The following CTDSP1 variants were observed in gnomAD, a reference collection of about 807,000 sequenced individuals.
CTDSP1 encodes CTD small phosphatase 1.
CTDSP1 carries 15 observed loss-of-function variants against 32.5 expected under a neutral mutation model. The observed-to-expected ratio is 0.46, with a 90% CI of 0.31 to 0.71. The LOEUF is 0.71. Among genes scored for constraint, CTDSP1 ranks in the 30% least tolerant of loss-of-function variants. The pLI is 0.05. For missense variants in CTDSP1, 294 were observed against 351.1 expected (o/e 0.84, Z 1.30); for synonymous variants, 185 against 145.4 (o/e 1.27, Z -1.96).
intron 2 of CTDSP1, among the ~76,000 whole-genome samples, 173 bp downstream of exon 2, chr2:218,401,885 C>G (rs764732826): frequency 1.3e-5 from 2 of 152,208 alleles, no homozygotes; most frequent in Non-Finnish European, 2.9e-5. Flanking sequence ...AAACTGAATT[C>G]TCCCTCATAA....
intron 2 of CTDSP1, 40 bp from the exon 3 acceptor site, chr2:218,402,071 C>G: frequency 7.1e-7 from 1 of 1,410,776 alleles, no homozygotes; most frequent in African/African-American, 1.4e-5. Flanking sequence ...AGGACCAGGC[C>G]CGGAGAGAGG....
intron 6 of CTDSP1, 101 bp downstream of exon 6, chr2:218,403,518 G>A: frequency 9.0e-7 from 1 of 1,114,668 alleles, no homozygotes; most frequent in Non-Finnish European, 1.3e-6. Flanking sequence ...GTTGGGGGGT[G>A]GGTGCCCTCC....
rs1319842859 is a variant in CTDSP1, at chr2:218,400,149, G to A, written c.59G>A (p.Arg20Gln). Residue 20 changes from arginine (R) to glutamine (Q), a missense_variant, in exon 1 of 7, where the codon CGG (arginine) becomes CAG (glutamine). This residue lies in a region of CTDSP1 where 148 missense variants were observed against 113.3 expected (regional missense o/e 1.31). Transcript: ENST00000273062. ...ISKEEARGPL[R>Q]GKGDQKSAAS... The stretch of plus-strand genomic sequence containing the variant: ...AAGGAGGAGGCTCGGGGCCCGCTGC[G>A]GGGCAAAGGTACCGGGGCTGCGGGG... 1.9e-6 allele frequency: 3 copies of A among 1,545,428 alleles called. No individual in the cohort carries two copies. Among genetic ancestry groups the A allele is most frequent in the Non-Finnish European group, 2.6e-6 (3 of 1,145,262 alleles).
chr2:218,402,413 C>T lies in CTDSP1; in HGVS notation c.378+8C>T, dbSNP rs561130226. 3.7e-6 allele frequency: 6 copies of T among 1,604,792 alleles called. No individual in the cohort carries two copies. In the South Asian group the frequency reaches 6.7e-5, roughly 18 times the overall value. ...GATGGGGTGGTCCACCAGGTGAGGG[C>T]CAGGAAGAGGCAGTGGTGGGCTTGG... On this transcript the variant is annotated splice_region_variant and intron_variant, in intron 4 of 6. Coordinates refer to ENST00000273062, the MANE Select transcript of CTDSP1 (RefSeq NM_021198.3).
intron 4 of CTDSP1, 93 bp downstream of exon 4, chr2:218,402,498 G>A: frequency 1.6e-6 from 2 of 1,262,072 alleles, no homozygotes; most frequent in Non-Finnish European, 1.2e-6. Flanking sequence ...ATGGGAATTG[G>A]ATACATGTGG....
chr2:218,403,219 C>A lies in CTDSP1; in HGVS notation c.472-13C>A. 1.2e-6 allele frequency: 2 copies of A among 1,611,452 alleles called. No individual in the cohort carries two copies. Among genetic ancestry groups the A allele is most frequent in the Non-Finnish European group, 8.5e-7 (1 of 1,178,184 alleles). Reference sequence around the variant, plus strand: ...ACCTGCGGGCCCCAGGATGACCCACCTCCTGCTCCCAGTACGCAGACCCAG... The same window carrying A: ...ACCTGCGGGCCCCAGGATGACCCACATCCTGCTCCCAGTACGCAGACCCAG... On this transcript the variant is annotated splice_polypyrimidine_tract_variant and intron_variant, in intron 5 of 6. Coordinates refer to ENST00000273062, the MANE Select transcript of CTDSP1 (RefSeq NM_021198.3).
chr2:218,398,137 G>A (rs376838012), upstream of CTDSP1: 8 of 501,654 alleles, frequency 1.6e-5, no homozygotes, highest in Admixed American at 1.4e-4. Context: ...TCCTTTTGGG[G>A]TCATGAGGGC....
At chr2:218,400,539 A>ACCCCCC (rs1299676984) in intron 1 of CTDSP1, 1 of 334,574 alleles carries the variant, frequency 3.0e-6, no homozygotes, top group African/African-American at 2.4e-5. Context: ...ACTCCGCCCC[A>ACCCCCC]CCCCCCACCC....
At chr2:218,402,022 C>G (rs1395996189) in intron 2 of CTDSP1, 89 bp from the exon 3 acceptor site, 1 of 927,088 alleles carries the variant, frequency 1.1e-6, no homozygotes, top group Middle Eastern at 2.8e-4. Flanking sequence ...CCTGGGGTTC[C>G]TCTGGAGACG....
upstream of CTDSP1, among the ~76,000 whole-genome samples, chr2:218,397,507 G>A (rs1367497081): frequency 6.6e-6 from 1 of 152,154 alleles, no homozygotes; most frequent in African/African-American, 2.4e-5. Flanking sequence ...GCCCTGTTTG[G>A]CAGATGGGGA....
chr2:218,402,467 C>T, intron 4 of CTDSP1, 62 bp downstream of exon 4: 2 of 1,527,818 alleles, frequency 1.3e-6, no homozygotes, highest in Non-Finnish European at 1.8e-6. Context: ...AGGCTCTTCC[C>T]ACCAATCCGG....
intron 6 of CTDSP1, chr2:218,403,678 T>C (rs1454544667): frequency 5.0e-6 from 2 of 398,596 alleles, no homozygotes; most frequent in Non-Finnish European, 8.9e-6. Context: ...AAAGTTTCAA[T>C]TTTTCGAATT....
chr2:218,404,502 G>C lies in CTDSP1; in HGVS notation c.*77G>C. 1.9e-6 allele frequency: 3 copies of C among 1,571,266 alleles called. No homozygotes were observed. Among genetic ancestry groups the C allele is most frequent in the Non-Finnish European group, 2.6e-6 (3 of 1,154,826 alleles). On this transcript the variant is annotated 3_prime_UTR_variant, in exon 7 of 7. Coordinates refer to ENST00000273062, the MANE Select transcript of CTDSP1 (RefSeq NM_021198.3). Reference sequence around the variant, plus strand: ...TCCCAGGAAGACTGCCCAGGCCTTTGTTAGGAAAACCCATGGGCCGCCGCC... The same window carrying C: ...TCCCAGGAAGACTGCCCAGGCCTTTCTTAGGAAAACCCATGGGCCGCCGCC...
chr2:218,398,668 C>A (rs1225047226), upstream of CTDSP1: 1 of 350,166 alleles, frequency 2.9e-6, no homozygotes, highest in Non-Finnish European at 5.1e-6. Context: ...CCGGACGGGA[C>A]AGGACGCGCC....
At chr2:218,401,970 G>A in intron 2 of CTDSP1, 141 bp from the exon 3 acceptor site, 1 of 707,692 alleles carries the variant, frequency 1.4e-6, no homozygotes, top group Non-Finnish European at 2.4e-6. Context: ...CCTAGAGCTG[G>A]CAGGGGCAAA....
upstream of CTDSP1, among the ~76,000 whole-genome samples, chr2:218,397,175 CAAG>C (rs1336351900): frequency 6.6e-6 from 1 of 152,114 alleles, no homozygotes; most frequent in African/African-American, 2.4e-5. Flanking sequence ...GCAGGTTGGT[CAAG>C]AAGACACGGA....
At position 218,402,384 on chromosome 2, in the gene CTDSP1, G is replaced by T; in HGVS notation, c.357G>T (p.Glu119Asp). Residue 119 changes from glutamate to aspartate, a missense_variant, in exon 4 of 7, where the codon GAG becomes GAT. Around this residue, in one of 2 missense-constraint regions of CTDSP1, gnomAD observed 146 missense variants for 237.7 expected, o/e 0.61. Coordinates refer to ENST00000273062, the MANE Select transcript of CTDSP1 (RefSeq NM_021198.3). Reference sequence around the variant, plus strand: ...ACGCGGACTTCATCATCCCTGTGGAGATTGATGGGGTGGTCCACCAGGTGA... The same window carrying T: ...ACGCGGACTTCATCATCCCTGTGGATATTGATGGGGTGGTCCACCAGGTGA... ...VNNADFIIPV[E>D]IDGVVHQVYV... 1 of 1,611,624 alleles carries T rather than the reference G, an allele frequency of 6.2e-7. No homozygotes were observed. Among genetic ancestry groups the T allele is most frequent in the Non-Finnish European group, 8.5e-7 (1 of 1,178,632 alleles).
At chr2:218,402,981 C>T (rs756612276) in intron 4 of CTDSP1, 54 bp from the exon 5 acceptor site, 4 of 1,373,300 alleles carry the variant, frequency 2.9e-6, no homozygotes, top group South Asian at 1.2e-5. Flanking sequence ...CAGCCCTCGG[C>T]CACCCCCACA....
Position 218,405,526 on chromosome 2 carries a change from G to A in CTDSP1, c.*1101G>A, listed in dbSNP as rs1017831699. On this transcript the variant is annotated 3_prime_UTR_variant, in exon 7 of 7. Coordinates refer to ENST00000273062, the MANE Select transcript of CTDSP1 (RefSeq NM_021198.3). ...CCATCCTTCACCGGTGCCTTTGGGG[G>A]ATCTGTAGGAGGTGGGACCTTCTGT... The A allele has an allele frequency of 3.9e-5, 6 of 152,978 alleles. No homozygotes were observed. Among genetic ancestry groups the A allele is most frequent in the African/African-American group, 1.4e-4 (6 of 41,454 alleles). 9.5% of individuals were successfully genotyped at this position (152,978 alleles called of 1,614,324 possible).
Sources: gnomAD v4.1 joint callset for allele counts (sites outside exome capture counted in the v4.1 genomes callset) on GRCh38, gnomAD v4.1.1 for gene constraint, gnomAD v4.1.1 regional missense constraint, MANE v1.5 for transcripts, NCBI Gene and HGNC (gene_info 2026-07-23, HGNC 2026-07-21) for gene names.